The following KCNQ3 variants were observed in gnomAD, a reference collection of about 807,000 sequenced individuals.
KCNQ3 encodes the protein potassium voltage-gated channel subfamily Q member 3.
KCNQ3 carries 30 observed loss-of-function variants against 92.5 expected under a neutral mutation model. That is an observed-to-expected ratio of 0.32 (90% CI 0.24 to 0.44). The LOEUF (loss-of-function observed/expected upper bound fraction) is 0.44, where lower values mean the gene tolerates loss of function less well. Among genes scored for constraint, KCNQ3 ranks in the 20% least tolerant of loss-of-function variants. The pLI is 1.00. For missense variants in KCNQ3, 913 were observed against 1,140.3 expected (o/e 0.80, Z 2.87); for synonymous variants, 450 against 468.8 (o/e 0.96, Z 0.52).
At chr8:132,277,074 TAAA>T (rs928334456) in intron 1 of KCNQ3, among the ~76,000 whole-genome samples, 1 of 148,046 alleles carries the variant, frequency 6.8e-6, no homozygotes, top group Admixed American at 6.7e-5. Flanking sequence ...CAATAATTTT[TAAA>T]AAAAAAAAGG....
At chr8:132,191,831 G>A (rs1337335225) in intron 1 of KCNQ3, among the ~76,000 whole-genome samples, 2 of 151,844 alleles carry the variant, frequency 1.3e-5, no homozygotes, top group Non-Finnish European at 2.9e-5. Context: ...CAGGAGTTGT[G>A]ACTAATGGGA....
At chr8:132,352,855 G>T (rs1382800397) in intron 1 of KCNQ3, among the ~76,000 whole-genome samples, 1 of 152,120 alleles carries the variant, frequency 6.6e-6, no homozygotes, top group African/African-American at 2.4e-5. Context: ...AAAGAGGTTG[G>T]TGCTCAAGGC....
At chr8:132,243,222 A>T (rs1026446219) in intron 1 of KCNQ3, among the ~76,000 whole-genome samples, 2 of 152,224 alleles carry the variant, frequency 1.3e-5, no homozygotes, top group Admixed American at 6.5e-5. Flanking sequence ...AGGCTTACAA[A>T]GGTTCAATAA....
Position 132,129,739 on chromosome 8 carries a change from T to C in KCNQ3, c.2142A>G (p.Ala714=). 4 of 1,614,120 alleles carry C rather than the reference T, an allele frequency of 2.5e-6. No homozygotes were observed. The highest frequency in any genetic ancestry group is 2.5e-6 in the Non-Finnish European group (3 of 1,180,006). ...IDKVSPYGFF[A]HDPVNLPRGG... is the part of the protein sequence containing the mutation. ...CTCGGGGCAGGTTCACAGGGTCATGTGCAAAAAACCCATAGGGGCTGACTT... is the reference window on the plus strand; with the variant it reads ...CTCGGGGCAGGTTCACAGGGTCATGCGCAAAAAACCCATAGGGGCTGACTT... Residue 714 remains alanine, a synonymous_variant, in exon 15 of 15, where the codon GCA becomes GCG. Coordinates refer to ENST00000388996, the MANE Select transcript of KCNQ3 (RefSeq NM_004519.4). The surrounding 1 kb of genome is among the most constrained non-coding windows in gnomAD (Gnocchi z 5.9).
At chr8:132,309,434 G>A (rs879757339) in intron 1 of KCNQ3, among the ~76,000 whole-genome samples, 6 of 152,160 alleles carry the variant, frequency 3.9e-5, no homozygotes, top group Non-Finnish European at 7.3e-5. Flanking sequence ...TGAGTTAGAG[G>A]CAAATTTCCA....
rs1437778294 is a variant in KCNQ3, at chr8:132,480,898, C to G, written c.-366G>C. On this transcript the variant is annotated 5_prime_UTR_variant, in exon 1 of 15. Transcript: ENST00000388996. ...GGGGCGGCGGCGGCGGCGGCGGCAC[C>G]CAGGCCGGCGAGCCCAAGACAGCAT... 1 of 155,186 alleles carries G rather than the reference C, an allele frequency of 6.4e-6. No homozygotes were observed. The highest frequency in any genetic ancestry group is 1.4e-5 in the Non-Finnish European group (1 of 71,492). The allele number at this position is 155,186 out of a possible 1,614,324, so 9.6% of individuals were successfully genotyped here.
intron 1 of KCNQ3, among the ~76,000 whole-genome samples, chr8:132,456,262 G>A (rs1255208284): frequency 6.6e-6 from 1 of 152,284 alleles, no homozygotes; most frequent in East Asian, 1.9e-4. Flanking sequence ...CCAGGCTTCT[G>A]TAGCGACAAG....
intron 1 of KCNQ3, among the ~76,000 whole-genome samples, chr8:132,366,583 A>G (rs1819329339): frequency 6.6e-6 from 1 of 152,112 alleles, no homozygotes; most frequent in African/African-American, 2.4e-5. Flanking sequence ...TTTCTCAGTA[A>G]GCATGATGCT....
At chr8:132,278,339 A>C in intron 1 of KCNQ3, 1 of 389,818 alleles carries the variant, frequency 2.6e-6, no homozygotes, top group Non-Finnish European at 3.5e-6. Context: ...AGAAAGAAAC[A>C]AGATTAATCC....
chr8:132,190,345 G>A (rs1328060599), intron 1 of KCNQ3, among the ~76,000 whole-genome samples: 2 of 152,042 alleles, frequency 1.3e-5, no homozygotes, highest in African/African-American at 4.8e-5. Context: ...GAGATAAGAT[G>A]TCACTACTCT....
intron 9 of KCNQ3, among the ~76,000 whole-genome samples, chr8:132,153,774 C>T (rs1209889035): frequency 1.3e-5 from 2 of 152,028 alleles, no homozygotes; most frequent in Non-Finnish European, 1.5e-5. Flanking sequence ...TCTTTAACAC[C>T]CATGGGTGGC....
At chr8:132,374,514 C>T (rs909322959) in intron 1 of KCNQ3, among the ~76,000 whole-genome samples, 1 of 152,210 alleles carries the variant, frequency 6.6e-6, no homozygotes, top group South Asian at 2.1e-4. Flanking sequence ...TCCCGGAAAG[C>T]TAACGTTTTC....
chr8:132,448,459 C>T (rs1285750293), intron 1 of KCNQ3, among the ~76,000 whole-genome samples: 1 of 136,150 alleles, frequency 7.3e-6, no homozygotes, highest in East Asian at 2.1e-4. Flanking sequence ...AGGGCTTTCC[C>T]AGAACAAGAA....
At chr8:132,430,087 C>CT (rs910869539) in intron 1 of KCNQ3, among the ~76,000 whole-genome samples, 15 of 152,134 alleles carry the variant, frequency 9.9e-5, no homozygotes, top group African/African-American at 3.4e-4. Flanking sequence ...GAGCAGCTGA[C>CT]TGTCATTCCA....
At chr8:132,187,849 G>GTGA (rs1484500463) in intron 1 of KCNQ3, among the ~76,000 whole-genome samples, 1 of 101,532 alleles carries the variant, frequency 9.8e-6, no homozygotes, top group Non-Finnish European at 2.0e-5. Flanking sequence ...GGTGGTGGTG[G>GTGA]TAGTGATGGT....
At chr8:132,204,464 G>C (rs1392601972) in intron 1 of KCNQ3, among the ~76,000 whole-genome samples, 2 of 152,140 alleles carry the variant, frequency 1.3e-5, no homozygotes, top group African/African-American at 4.8e-5. Flanking sequence ...GATGGAAAAG[G>C]CTCATCTTTC....
At chr8:132,455,168 A>C (rs1821911507) in intron 1 of KCNQ3, among the ~76,000 whole-genome samples, 2 of 152,204 alleles carry the variant, frequency 1.3e-5, no homozygotes, top group Non-Finnish European at 2.9e-5. Flanking sequence ...CCAGGCTGGA[A>C]TACAGTGGCG....
intron 1 of KCNQ3, among the ~76,000 whole-genome samples, chr8:132,410,670 C>T (rs532966221): frequency 5.3e-5 from 8 of 152,218 alleles, no homozygotes; most frequent in East Asian, 1.9e-4. Flanking sequence ...TGGCATCTAA[C>T]GTTACCTTTC....
At chr8:132,472,071 C>T (rs1789846673) in intron 1 of KCNQ3, among the ~76,000 whole-genome samples, 1 of 152,004 alleles carries the variant, frequency 6.6e-6, no homozygotes, top group Admixed American at 6.6e-5. Flanking sequence ...TATCATCTTA[C>T]CCTAGTTAGA....
Sources: gnomAD v4.1 joint callset for allele counts (sites outside exome capture counted in the v4.1 genomes callset) on GRCh38, gnomAD v4.1.1 for gene constraint, Gnocchi (gnomAD v3.1) non-coding constraint, MANE v1.5 for transcripts, NCBI Gene and HGNC (gene_info 2026-07-23, HGNC 2026-07-21) for gene names.